CCDC7: variants seen among roughly 807,000 people sequenced by gnomAD.
The protein encoded by CCDC7 is coiled-coil domain containing 7, also known as coiled-coil domain-containing protein 7.
In CCDC7, 183 loss-of-function variants were observed where a neutral mutation model predicts 196.9. The observed-to-expected ratio is 0.93, with a 90% CI of 0.82 to 1.05. CCDC7 has a LOEUF of 1.05. Among genes scored for constraint, CCDC7 ranks in the 50% least tolerant of loss-of-function variants. The pLI is 0.00. For synonymous variants in CCDC7, 525 were observed against 484.6 expected, an observed-to-expected ratio of 1.08 and a Z score of -1.10; for missense variants, 1,540 against 1,482.2, an observed-to-expected ratio of 1.04 and a Z score of -0.64.
chr10:32,657,391 TC>T (rs1158362805), intron 20 of CCDC7, among the ~76,000 whole-genome samples: 2 of 152,228 alleles, frequency 1.3e-5, no homozygotes, highest in Admixed American at 6.5e-5. Flanking sequence ...TTTCCGTACA[TC>T]CTCTGAAATC....
At position 32,613,311 on chromosome 10, in the gene CCDC7, T is replaced by A. The variant is rs543594405; in HGVS notation, c.1802-20943T>A. Among the ~76,000 whole-genome samples the A allele has an allele frequency of 3.3e-5, 5 of 152,288 alleles. No individual in the cohort carries two copies. The East Asian group carries it at 9.6e-4, about 29-fold the overall frequency. The stretch of plus-strand genomic sequence containing the variant: ...TTGTGTCTATTTGATTCTTTTCTCT[T>A]CTTTATTAGTCTGGCTAGCAGTCTA... On this transcript the variant is annotated intron_variant, in intron 18 of 41. Transcript: ENST00000639629.
chr10:32,737,353 G>A (rs139394129), intron 28 of CCDC7, among the ~76,000 whole-genome samples: 1 of 152,104 alleles, frequency 6.6e-6, no homozygotes, highest in Non-Finnish European at 1.5e-5. Flanking sequence ...TTGGTATTAG[G>A]GTAATATAGT....
intron 13 of CCDC7, among the ~76,000 whole-genome samples, chr10:32,555,800 T>C (rs75904476): frequency 0.028 from 4,281 of 152,286 alleles, 218 homozygotes; most frequent in African/African-American, 0.097. Flanking sequence ...CTTAAAACAG[T>C]AGAATCATTA....
chr10:32,881,324 G>C (rs1294155301), downstream of CCDC7, among the ~76,000 whole-genome samples: 1 of 152,062 alleles, frequency 6.6e-6, no homozygotes, highest in Non-Finnish European at 1.5e-5. Context: ...ATGAGCACTG[G>C]GGTGGCAAAT....
intron 11 of CCDC7, among the ~76,000 whole-genome samples, chr10:32,520,988 A>G (rs1202685122): frequency 6.6e-6 from 1 of 151,776 alleles, no homozygotes; most frequent in Non-Finnish European, 1.5e-5. Flanking sequence ...CTTTTCCCCC[A>G]CTGTATGTTC....
At chr10:32,852,736 A>T (rs372296849) in intron 40 of CCDC7, among the ~76,000 whole-genome samples, 2 of 152,328 alleles carry the variant, frequency 1.3e-5, no homozygotes, top group South Asian at 4.1e-4. Flanking sequence ...GTTGACTATT[A>T]CTTTTACTTA....
At chr10:32,642,437 G>C (rs572205383) in intron 20 of CCDC7, among the ~76,000 whole-genome samples, 1 of 152,224 alleles carries the variant, frequency 6.6e-6, no homozygotes, top group Non-Finnish European at 1.5e-5. Flanking sequence ...GTGGGCGTAG[G>C]ACCCTCCGAG....
chr10:32,782,144 A>G (rs2081153917), intron 29 of CCDC7, among the ~76,000 whole-genome samples: 1 of 152,202 alleles, frequency 6.6e-6, no homozygotes, highest in Non-Finnish European at 1.5e-5. Context: ...AAACTACCAT[A>G]TAATGCTGAA....
intron 28 of CCDC7, among the ~76,000 whole-genome samples, chr10:32,758,621 C>G (rs994704277): frequency 5.3e-5 from 8 of 152,030 alleles, no homozygotes; most frequent in African/African-American, 1.7e-4. Flanking sequence ...ATATTTATGA[C>G]AAACCCACAG....
intron 28 of CCDC7, among the ~76,000 whole-genome samples, chr10:32,730,362 TCTC>T (rs2083755465): frequency 6.6e-6 from 1 of 152,118 alleles, no homozygotes. Context: ...TTTCTTGGCT[TCTC>T]CTATTTCTCC....
intron 28 of CCDC7, among the ~76,000 whole-genome samples, chr10:32,732,364 A>T (rs957383312): frequency 2.6e-5 from 4 of 152,176 alleles, no homozygotes; most frequent in Non-Finnish European, 5.9e-5. Flanking sequence ...AATCACAAAT[A>T]TGATTTTTAC....
At chr10:32,524,097 C>CT (rs200523300) in intron 11 of CCDC7, among the ~76,000 whole-genome samples, 5,612 of 141,138 alleles carry the variant, frequency 0.04, 110 homozygotes, top group Middle Eastern at 0.052. Context: ...GTGAAGGTGA[C>CT]TTTGTCTGGT....
chr10:32,608,075 C>T lies in CCDC7; in HGVS notation c.1801+23771C>T, dbSNP rs946795624. 3.3e-5 allele frequency among the ~76,000 whole-genome samples: 5 copies of T among 151,984 alleles called. No individual in the cohort carries two copies. The East Asian group carries it at 5.8e-4, about 18-fold the overall frequency. On this transcript the variant is annotated intron_variant, in intron 18 of 41. Coordinates refer to ENST00000639629, the Ensembl canonical transcript of CCDC7. ...TCCAGGCATTTATTCATCTCTTCCA[C>T]GTTTTCCAATTTGTTAGCATATAGT... is the stretch of plus-strand genomic sequence containing the variant.
At position 32,644,293 on chromosome 10, in the gene CCDC7, T is replaced by A. The variant is rs140197364; in HGVS notation, c.2014+9135T>A. Among the ~76,000 whole-genome samples the A allele has an allele frequency of 5.9e-3, 897 of 152,296 alleles. 6 individuals are homozygous for A. The highest frequency in any genetic ancestry group is 9.9e-3 in the Admixed American group (151 of 15,304). On this transcript the variant is annotated intron_variant, in intron 20 of 41. Transcript: ENST00000639629. ...CTACTGTGGAACAGAACACTAAAACTTCTTCTTCATGTCTAACTGTATCTG... is the reference window on the plus strand; with the variant it reads ...CTACTGTGGAACAGAACACTAAAACATCTTCTTCATGTCTAACTGTATCTG...
intron 32 of CCDC7, among the ~76,000 whole-genome samples, chr10:32,833,540 G>T (rs556869052): frequency 6.6e-6 from 1 of 152,094 alleles, no homozygotes; most frequent in Admixed American, 6.6e-5. Context: ...ACTGATCTAA[G>T]AAACTTTTGC....
intron 40 of CCDC7, among the ~76,000 whole-genome samples, chr10:32,853,078 A>G (rs2093623065): frequency 1.3e-5 from 2 of 152,052 alleles, no homozygotes; most frequent in Admixed American, 1.3e-4. Context: ...AATGTAATTG[A>G]TTTGGGGTTC....
intron 9 of CCDC7, among the ~76,000 whole-genome samples, chr10:32,507,131 T>C (rs553699665): frequency 8.7e-4 from 133 of 152,150 alleles, no homozygotes; most frequent in African/African-American, 3.2e-3. Flanking sequence ...TAGCTGGGAC[T>C]ACAAGTGCGC....
chr10:32,701,924 C>T (rs1376302569), intron 24 of CCDC7, among the ~76,000 whole-genome samples: 3 of 152,020 alleles, frequency 2.0e-5, no homozygotes, highest in East Asian at 1.9e-4. Context: ...CTTTATTAGT[C>T]TTGCTCTAGC....
intron 20 of CCDC7, among the ~76,000 whole-genome samples, chr10:32,646,382 C>A (rs1213358106): frequency 6.6e-6 from 1 of 151,840 alleles, no homozygotes; most frequent in Non-Finnish European, 1.5e-5. Context: ...CCATTGTAAT[C>A]ATAAAATATA....
Sources: gnomAD v4.1 joint callset for allele counts (sites outside exome capture counted in the v4.1 genomes callset) on GRCh38, gnomAD v4.1.1 for gene constraint, MANE v1.5 for transcripts, NCBI Gene and HGNC (gene_info 2026-07-23, HGNC 2026-07-21) for gene names.